Variants in SOBP observed in about 807,000 individuals in gnomAD.
The protein encoded by SOBP is sine oculis binding protein homolog.
Under a neutral mutation model 53.6 loss-of-function variants are expected in SOBP, and 4 were observed. The observed-to-expected ratio is 0.07, with a 90% confidence interval of 0.04 to 0.17. The LOEUF (loss-of-function observed/expected upper bound fraction) is 0.17, where lower values mean the gene tolerates loss of function less well. Among genes scored for constraint, SOBP ranks in the 10% least tolerant of loss-of-function variants. SOBP has a pLI of 1.00. For missense variants in SOBP, 1,088 were observed against 1,204.7 expected (o/e 0.90, Z 1.43); for synonymous variants, 584 against 522.6 (o/e 1.12, Z -1.60).
chr6:107,515,619 C>T (rs1783295309), intron 3 of SOBP, among the ~76,000 whole-genome samples: 1 of 152,072 alleles, frequency 6.6e-6, no homozygotes, highest in Non-Finnish European at 1.5e-5. Flanking sequence ...CATGGTGGCA[C>T]ATGCCTGTAG....
intron 5 of SOBP, among the ~76,000 whole-genome samples, chr6:107,603,264 T>C (rs1183373796): frequency 6.6e-6 from 1 of 152,236 alleles, no homozygotes; most frequent in Non-Finnish European, 1.5e-5. Context: ...TGCCTCCCAG[T>C]GTGCCTTCTG....
At chr6:107,656,806 C>G (rs1280607145) in intron 6 of SOBP, among the ~76,000 whole-genome samples, 1 of 152,226 alleles carries the variant, frequency 6.6e-6, no homozygotes. Flanking sequence ...GGAAATGGTA[C>G]TGTATTATCT....
Position 107,533,596 on chromosome 6 carries a change from T to A in SOBP, c.559T>A (p.Phe187Ile). ...CTTTGCGGCCTGCCGACGAGCCTAC[T>A]TCAAGAGAAATAAGGTAAGAGCACC... ...KCFAACRRAY[F>I]KRNKARDEDG... Residue 187 changes from phenylalanine (F) to isoleucine (I), a missense_variant, in exon 4 of 7, where the codon TTC becomes ATC. Physicochemically the swap from Phe to Ile is conservative, Grantham distance 21. This residue lies in a region of SOBP where 55 missense variants were observed against 134.3 expected (regional missense o/e 0.41). Coordinates refer to ENST00000317357, the MANE Select transcript of SOBP (RefSeq NM_018013.4). The A allele has an allele frequency of 6.2e-7, 1 of 1,613,922 alleles. No homozygotes were observed. The highest frequency in any genetic ancestry group is 8.5e-7 in the Non-Finnish European group (1 of 1,179,910).
chr6:107,548,185 CA>C (rs2115006950), intron 4 of SOBP, among the ~76,000 whole-genome samples: 1 of 152,168 alleles, frequency 6.6e-6, no homozygotes, highest in South Asian at 2.1e-4. Flanking sequence ...AAGGAATCCC[CA>C]ATCTCATGGC....
At chr6:107,568,388 G>A (rs1314476347) in intron 4 of SOBP, among the ~76,000 whole-genome samples, 3 of 152,080 alleles carry the variant, frequency 2.0e-5, no homozygotes, top group Non-Finnish European at 2.9e-5. Flanking sequence ...GATGAACAAC[G>A]GACTCAAATG....
chr6:107,615,437 G>A (rs1786751173), intron 5 of SOBP, among the ~76,000 whole-genome samples: 2 of 152,176 alleles, frequency 1.3e-5, no homozygotes, highest in South Asian at 4.1e-4. Context: ...CAAAGGCTGA[G>A]ATAATCTTGA....
At chr6:107,539,490 AG>A (rs1277954121) in intron 4 of SOBP, among the ~76,000 whole-genome samples, 1 of 152,172 alleles carries the variant, frequency 6.6e-6, no homozygotes, top group African/African-American at 2.4e-5. Context: ...CTTCTGGTGA[AG>A]GCTAATGCTG....
intron 4 of SOBP, among the ~76,000 whole-genome samples, chr6:107,568,026 T>C (rs1784967029): frequency 6.6e-6 from 1 of 152,216 alleles, no homozygotes; most frequent in Non-Finnish European, 1.5e-5. Flanking sequence ...CCTGGGACTT[T>C]ATCCAAGTAT....
chr6:107,525,530 C>T (rs1229746552), intron 3 of SOBP, among the ~76,000 whole-genome samples: 2 of 152,180 alleles, frequency 1.3e-5, no homozygotes, highest in Non-Finnish European at 2.9e-5. Context: ...CTGGAGTCAC[C>T]TTCCCCAAGA....
At chr6:107,620,654 C>T (rs1786970776) in intron 5 of SOBP, among the ~76,000 whole-genome samples, 1 of 152,166 alleles carries the variant, frequency 6.6e-6, no homozygotes. Flanking sequence ...TGGAACATGC[C>T]AATCTGTATC....
intron 5 of SOBP, among the ~76,000 whole-genome samples, chr6:107,617,957 A>G (rs1328664174): frequency 6.6e-6 from 1 of 150,542 alleles, no homozygotes; most frequent in African/African-American, 2.5e-5. Flanking sequence ...CCTCCCAAGT[A>G]GCTGGGACTA....
intron 5 of SOBP, among the ~76,000 whole-genome samples, chr6:107,627,070 G>A (rs1339631696): frequency 2.6e-5 from 4 of 152,170 alleles, no homozygotes; most frequent in Admixed American, 1.3e-4. Context: ...TTTGATGTAC[G>A]ATTGAATTTT....
chr6:107,606,620 G>T (rs1168765476), intron 5 of SOBP, among the ~76,000 whole-genome samples: 1 of 152,164 alleles, frequency 6.6e-6, no homozygotes, highest in Non-Finnish European at 1.5e-5. Flanking sequence ...CTGCCTTTGT[G>T]TGCTTGGAAT....
At chr6:107,495,989 A>G (rs1451813180) in intron 1 of SOBP, among the ~76,000 whole-genome samples, 1 of 152,016 alleles carries the variant, frequency 6.6e-6, no homozygotes, top group Non-Finnish European at 1.5e-5. Flanking sequence ...AGGTTAGAAG[A>G]GGAAAAAAAA....
rs1782543766 is a variant in SOBP at position 107,490,349 on chromosome 6, A to G, written c.-268A>G. 6.4e-6 allele frequency: 1 copy of G among 155,984 alleles called. No individual in the cohort carries two copies. The highest frequency in any genetic ancestry group is 1.4e-5 in the Non-Finnish European group (1 of 73,650). 9.7% of individuals were successfully genotyped at this position (155,984 alleles called of 1,614,324 possible). On this transcript the variant is annotated 5_prime_UTR_variant, in exon 1 of 7. Coordinates refer to ENST00000317357, the MANE Select transcript of SOBP (RefSeq NM_018013.4). Reference sequence around the variant, plus strand: ...TGGCTGCGGCGGCGGCGGCGGCGGCAGCAGGAGCCGGAGCGACGGCGGCGG... The same window carrying G: ...TGGCTGCGGCGGCGGCGGCGGCGGCGGCAGGAGCCGGAGCGACGGCGGCGG...
intron 6 of SOBP, among the ~76,000 whole-genome samples, chr6:107,646,858 C>T (rs1355581386): frequency 2.0e-5 from 3 of 152,142 alleles, no homozygotes; most frequent in Non-Finnish European, 2.9e-5. Context: ...GTTCGTATCC[C>T]AGCAGAGACA....
At chr6:107,548,258 G>GTTT (rs60827093) in intron 4 of SOBP, among the ~76,000 whole-genome samples, 3,086 of 142,438 alleles carry the variant, frequency 0.022, 101 homozygotes, top group African/African-American at 0.072. Context: ...TTTTCTTTTT[G>GTTT]TTTTTTTTTT....
At chr6:107,497,859 C>T (rs1014019020) in intron 1 of SOBP, among the ~76,000 whole-genome samples, 7 of 152,070 alleles carry the variant, frequency 4.6e-5, no homozygotes, top group Admixed American at 1.3e-4. Context: ...TTTCAACAGT[C>T]CCTAGAAGTA....
At chr6:107,563,822 C>G (rs1466532770) in intron 4 of SOBP, among the ~76,000 whole-genome samples, 1 of 152,176 alleles carries the variant, frequency 6.6e-6, no homozygotes. Context: ...TGTAGCGCTT[C>G]AAGAAAGTAC....
Sources: gnomAD v4.1 joint callset for allele counts (sites outside exome capture counted in the v4.1 genomes callset) on GRCh38, gnomAD v4.1.1 for gene constraint, gnomAD v4.1.1 regional missense constraint, MANE v1.5 for transcripts, NCBI Gene and HGNC (gene_info 2026-07-23, HGNC 2026-07-21) for gene names.